PCDHA4: variants seen among roughly 807,000 people sequenced by gnomAD.
PCDHA4 encodes protocadherin alpha 4, also known as protocadherin alpha-4.
Under a neutral mutation model 61.4 loss-of-function variants are expected in PCDHA4, and 49 were observed. The observed-to-expected ratio is 0.80, with a 90% CI of 0.63 to 1.01. The LOEUF is 1.01. Among genes scored for constraint, PCDHA4 ranks in the 50% least tolerant of loss-of-function variants. The pLI is 0.00. For missense variants in PCDHA4, 1,254 were observed against 1,235.8 expected, an observed-to-expected ratio of 1.01 and a Z score of -0.22; for synonymous variants, 590 against 550.3, an observed-to-expected ratio of 1.07 and a Z score of -1.01.
intron 1 of PCDHA4, chr5:140,926,824 A>T: frequency 1.3e-6 from 2 of 1,496,944 alleles, no homozygotes; most frequent in Non-Finnish European, 1.8e-6. Context: ...GCTCTCCAGG[A>T]GTCCGGAGCA....
chr5:140,843,298 G>A, intron 1 of PCDHA4: 1 of 1,595,982 alleles, frequency 6.3e-7, no homozygotes, highest in Non-Finnish European at 8.6e-7. Context: ...AACCTGCGCT[G>A]ACCGCCACGG....
intron 1 of PCDHA4, chr5:140,834,458 G>A: frequency 6.2e-7 from 1 of 1,614,178 alleles, no homozygotes; most frequent in Non-Finnish European, 8.5e-7. Context: ...CAGCTTGGGA[G>A]GCAGGGAGAG....
chr5:140,818,474 G>T (rs1766368154), intron 1 of PCDHA4, among the ~76,000 whole-genome samples: 1 of 152,132 alleles, frequency 6.6e-6, no homozygotes, highest in South Asian at 2.1e-4. Flanking sequence ...CTCCCACAAA[G>T]TTTTCACTCA....
chr5:140,848,618 C>T lies in PCDHA4; in HGVS notation c.2385+39046C>T, dbSNP rs138258410. ...ACTCCGTCCCGGAGGAAGCCGAACA[C>T]GGCACCTTCGTGGGCCGCATCGCGC... is the stretch of plus-strand genomic sequence containing the variant. On this transcript the variant is annotated intron_variant, in intron 1 of 3. Transcript: ENST00000530339. The T allele has an allele frequency of 2.5e-3, 4,005 of 1,588,154 alleles. 452 individuals carry two copies. Among genetic ancestry groups the T allele is most frequent in the Middle Eastern group, 9.3e-3 (53 of 5,704 alleles).
chr5:141,006,726 A>G (rs2098284944), intron 3 of PCDHA4, among the ~76,000 whole-genome samples: 1 of 152,172 alleles, frequency 6.6e-6, no homozygotes, highest in African/African-American at 2.4e-5. Flanking sequence ...CAGAAATGAC[A>G]GGTCTTGATG....
rs1554148266 is a variant in PCDHA4 at position 140,856,152 on chromosome 5, A to C, written c.2385+46580A>C. On this transcript the variant is annotated intron_variant, in intron 1 of 3. Coordinates refer to ENST00000530339, the MANE Select transcript of PCDHA4 (RefSeq NM_018907.4). ...AGCGGCCAGCTCCACTACTCAGTCT[A>C]CGAGGAGGCCAGACACGGCACCTTC... The C allele has an allele frequency of 6.3e-6, 10 of 1,598,178 alleles. 1 individual carries two copies. Among genetic ancestry groups the C allele is most frequent in the Middle Eastern group, 1.7e-4 (1 of 5,990 alleles).
chr5:140,824,013 C>G (rs1347563887), intron 1 of PCDHA4: 3 of 1,614,156 alleles, frequency 1.9e-6, no homozygotes, highest in Non-Finnish European at 2.5e-6. Flanking sequence ...CGGTGGGGAG[C>G]TGGTCGTACT....
Position 141,009,957 on chromosome 5 carries a change from G to T in PCDHA4, c.*20G>T. ...CAGTGAGGTCCTCAAATGGAAACAA[G>T]CCACTTAGCCAGTTTTTGTAATAAT... On this transcript the variant is annotated 3_prime_UTR_variant, in exon 4 of 4. Coordinates refer to ENST00000530339, the MANE Select transcript of PCDHA4 (RefSeq NM_018907.4). 1 of 1,589,160 alleles carries T rather than the reference G, an allele frequency of 6.3e-7. No homozygotes were observed. Among genetic ancestry groups the T allele is most frequent in the Non-Finnish European group, 8.5e-7 (1 of 1,171,102 alleles).
At chr5:140,876,928 A>C in intron 1 of PCDHA4, 1 of 1,613,812 alleles carries the variant, frequency 6.2e-7, no homozygotes, top group Non-Finnish European at 8.5e-7. Flanking sequence ...GGACGCGCAG[A>C]AGAACGCGCT....
intron 1 of PCDHA4, chr5:140,850,158 G>C: frequency 6.3e-7 from 1 of 1,595,230 alleles, no homozygotes; most frequent in Non-Finnish European, 8.6e-7. Flanking sequence ...GCAGGTGTTC[G>C]TGCTGGACGA....
At chr5:140,938,174 G>A (rs1394846002) in intron 1 of PCDHA4, among the ~76,000 whole-genome samples, 3 of 152,200 alleles carry the variant, frequency 2.0e-5, no homozygotes, top group Admixed American at 6.5e-5. Context: ...TGGAGCTCCT[G>A]GGCTCAAGCA....
chr5:140,824,848 GT>G (rs1205508305), intron 1 of PCDHA4: 1 of 151,796 alleles, frequency 6.6e-6, no homozygotes, highest in African/African-American at 2.4e-5. Context: ...CACTAATTTA[GT>G]TTGTTTTCAA....
chr5:140,841,767 A>T, intron 1 of PCDHA4: 1 of 1,613,616 alleles, frequency 6.2e-7, no homozygotes, highest in Non-Finnish European at 8.5e-7. Context: ...AGAATGCCAG[A>T]CTCTCGGTTT....
At chr5:140,976,597 G>A (rs1477005420) in intron 1 of PCDHA4, among the ~76,000 whole-genome samples, 1 of 152,062 alleles carries the variant, frequency 6.6e-6, no homozygotes, top group South Asian at 2.1e-4. Flanking sequence ...TTTGTGTTAA[G>A]GGGACCTAAA....
chr5:140,917,039 A>G (rs1279228933), intron 1 of PCDHA4, among the ~76,000 whole-genome samples: 1 of 152,132 alleles, frequency 6.6e-6, no homozygotes, highest in African/African-American at 2.4e-5. Flanking sequence ...TGAGTCCAGC[A>G]CAGTGTTGTT....
At chr5:140,838,277 C>T (rs1372363386) in intron 1 of PCDHA4, among the ~76,000 whole-genome samples, 8 of 74,794 alleles carry the variant, frequency 1.1e-4, no homozygotes, top group East Asian at 6.5e-4. Flanking sequence ...CCAAGCCATG[C>T]TAATTTTTTT....
intron 1 of PCDHA4, chr5:140,869,862 A>G: frequency 3.7e-6 from 6 of 1,610,466 alleles, no homozygotes; most frequent in Non-Finnish European, 5.1e-6. Flanking sequence ...GCCTTATGGA[A>G]AATGCTGCTA....
Position 140,848,453 on chromosome 5 carries a change from T to C in PCDHA4, c.2385+38881T>C. On this transcript the variant is annotated intron_variant, in intron 1 of 3. Transcript: ENST00000530339. ...CGAAATCAGATGATTTCTTCTAATT[T>C]GGAGGCAATTTTCACTAATTAGAAG... is the stretch of plus-strand genomic sequence containing the variant. 2.0e-6 allele frequency: 3 copies of C among 1,519,952 alleles called. 1 individual carries two copies. Among genetic ancestry groups the C allele is most frequent in the Non-Finnish European group, 2.7e-6 (3 of 1,116,942 alleles). The allele number at this position is 1,519,952 out of a possible 1,614,324, so 94.2% of individuals were successfully genotyped here. A position where few individuals can be genotyped will look rare whatever the true frequency, so the allele number is the denominator to read the frequency against.
intron 1 of PCDHA4, chr5:140,863,410 G>C: frequency 5.3e-6 from 4 of 753,286 alleles, no homozygotes; most frequent in African/African-American, 1.8e-5. Context: ...GCCCACGCTG[G>C]TGTACCGCAG....
Sources: allele counts gnomAD v4.1 joint callset (sites outside exome capture counted in the v4.1 genomes callset), GRCh38; gene constraint gnomAD v4.1.1; transcripts MANE v1.5; gene names NCBI Gene and HGNC (gene_info 2026-07-23, HGNC 2026-07-21).